Variants in VPS13B observed in about 807,000 individuals in gnomAD.
VPS13B encodes the protein intermembrane lipid transfer protein VPS13B.
Under a neutral mutation model 426.4 loss-of-function variants are expected in VPS13B, and 285 were observed. That is an observed-to-expected ratio of 0.67 (90% CI 0.61 to 0.74). VPS13B has a LOEUF of 0.74. Among genes scored for constraint, VPS13B ranks in the 30% least tolerant of loss-of-function variants. The pLI is 0.00. For missense variants in VPS13B, 4,537 were observed against 4,782.6 expected (o/e 0.95, Z 1.51); for synonymous variants, 1,676 against 1,676.4 (o/e 1.00, Z 0.01).
chr8:99,298,305 A>G (rs969648899), intron 19 of VPS13B, among the ~76,000 whole-genome samples: 2 of 152,086 alleles, frequency 1.3e-5, no homozygotes. Flanking sequence ...CCTGACCAAT[A>G]TGGAGAAACC....
At chr8:99,734,208 T>C (rs79600668) in intron 39 of VPS13B, among the ~76,000 whole-genome samples, 2,976 of 152,348 alleles carry the variant, frequency 0.02, 106 homozygotes, top group African/African-American at 0.068. Flanking sequence ...ACTTCATTCC[T>C]TTCTGTTGCC....
intron 17 of VPS13B, among the ~76,000 whole-genome samples, chr8:99,217,384 C>T (rs990796988): frequency 9.9e-5 from 15 of 152,218 alleles, no homozygotes; most frequent in East Asian, 9.7e-4. Context: ...GTCTTAATTC[C>T]GCTACCTGAT....
chr8:99,725,611 G>A lies in VPS13B; in HGVS notation c.7050+4564G>A, dbSNP rs147723069. ...GGACCACTGCTTTACAGTATCCATC[G>A]CAGTAGAGATGTTCAATAAATATGT... On this transcript the variant is annotated intron_variant, in intron 39 of 61. Coordinates refer to ENST00000357162, the MANE Select transcript of VPS13B (RefSeq NM_152564.5). 4.3e-4 allele frequency among the ~76,000 whole-genome samples: 65 copies of A among 152,266 alleles called. 1 individual carries two copies. Among genetic ancestry groups the A allele is most frequent in the Non-Finnish European group, 9.0e-4 (61 of 68,024 alleles).
intron 3 of VPS13B, among the ~76,000 whole-genome samples, chr8:99,083,009 G>A (rs1225508985): frequency 6.6e-6 from 1 of 152,190 alleles, no homozygotes; most frequent in Non-Finnish European, 1.5e-5. Flanking sequence ...AAAGTCATCA[G>A]TAGCTTGATG....
At chr8:99,397,451 A>C (rs1814796561) in intron 21 of VPS13B, among the ~76,000 whole-genome samples, 1 of 152,084 alleles carries the variant, frequency 6.6e-6, no homozygotes, top group Non-Finnish European at 1.5e-5. Context: ...CCTGAGTAGA[A>C]TATTTCTAAT....
chr8:99,656,936 G>A (rs78268748), intron 34 of VPS13B, among the ~76,000 whole-genome samples: 6,303 of 152,226 alleles, frequency 0.041, 137 homozygotes, highest in East Asian at 0.06. Flanking sequence ...GTATTTTTCT[G>A]GATGTTCCTA....
intron 35 of VPS13B, among the ~76,000 whole-genome samples, chr8:99,674,661 G>A (rs550032504): frequency 1.5e-4 from 23 of 151,674 alleles, no homozygotes; most frequent in Admixed American, 4.6e-4. Flanking sequence ...TCTTCCTCTC[G>A]CTGTCTTTCT....
rs1280949984 is a variant in VPS13B at position 99,407,256 on chromosome 8, A to G, written c.3082+15552A>G. 2.0e-5 allele frequency among the ~76,000 whole-genome samples: 3 copies of G among 152,098 alleles called. No homozygotes were observed. The East Asian group carries it at 5.8e-4, about 29-fold the overall frequency. On this transcript the variant is annotated intron_variant, in intron 21 of 61. Transcript: ENST00000357162. ...AGGTTATTTCTGAAACTAAAAATTG[A>G]CTTTTTTTCTTACCCTTTAAAAAAG...
At position 99,447,090 on chromosome 8, in the gene VPS13B, C is replaced by G. The variant is rs190580700; in HGVS notation, c.3445+4455C>G. ...ACTCTTGCCTACTATACCTAATATT[C>G]CTTGTTTATACTTTTCTTTTCTGTG... On this transcript the variant is annotated intron_variant, in intron 23 of 61. Coordinates refer to ENST00000357162, the MANE Select transcript of VPS13B (RefSeq NM_152564.5). 2.6e-5 allele frequency among the ~76,000 whole-genome samples: 4 copies of G among 152,178 alleles called. No homozygotes were observed. In the East Asian group the frequency reaches 7.7e-4, roughly 29 times the overall value.
Position 99,850,286 on chromosome 8 carries a change from CATACATAAGTACGCATGTATGTACTT to C in VPS13B, c.10061+1400_10061+1425del, listed in dbSNP as rs1201081388. ...ATAAGTACGCATGTATGTACTTATA[CATACATAAGTACGCATGTATGTACTT>C]ATACATACATAAGTACGCATGTATG... On this transcript the variant is annotated intron_variant, in intron 55 of 61. Coordinates refer to ENST00000357162, the MANE Select transcript of VPS13B (RefSeq NM_152564.5). Among the ~76,000 whole-genome samples the C allele has an allele frequency of 6.3e-3, 803 of 127,242 alleles. 249 individuals are homozygous for C. The highest frequency in any genetic ancestry group is 0.01 in the African/African-American group (283 of 27,564). The allele number at this position is 127,242 out of a possible 152,430, so 83.5% of individuals were successfully genotyped here.
rs764961174 is a variant in VPS13B, at chr8:99,871,670, G to A, written c.11718G>A (p.Lys3906=). 3 of 1,613,890 alleles carry A rather than the reference G, an allele frequency of 1.9e-6. No homozygotes were observed. The African/African-American group carries it at 4.0e-5, about 22-fold the overall frequency. Residue 3906 remains lysine (K), a synonymous_variant, in exon 61 of 62, where the codon AAG becomes AAA. Coordinates refer to ENST00000357162, the MANE Select transcript of VPS13B (RefSeq NM_152564.5). The part of the protein sequence containing the change: ...KQNNLLTVQL[K]QPRVACDVEV... The stretch of plus-strand genomic sequence containing the variant: ...ACAACTTACTCACAGTGCAGCTCAA[G>A]CAGCCAAGAGTGGCCTGTGATGTGG...
intron 51 of VPS13B, among the ~76,000 whole-genome samples, chr8:99,831,790 C>G (rs914257879): frequency 1.1e-4 from 17 of 152,170 alleles, no homozygotes; most frequent in African/African-American, 3.4e-4. Flanking sequence ...TAGGATGGCA[C>G]GGTTATATAC....
intron 35 of VPS13B, among the ~76,000 whole-genome samples, chr8:99,682,183 T>C (rs1260061478): frequency 6.6e-6 from 1 of 152,162 alleles, no homozygotes; most frequent in African/African-American, 2.4e-5. Flanking sequence ...TATTTAGTGC[T>C]GTCCAAGCAT....
chr8:99,050,430 A>G (rs1210806707), intron 3 of VPS13B, among the ~76,000 whole-genome samples: 1 of 152,274 alleles, frequency 6.6e-6, no homozygotes, highest in Non-Finnish European at 1.5e-5. Context: ...AATCCAGTCT[A>G]TCATTGTTGG....
At chr8:99,233,823 T>C in intron 17 of VPS13B, 2 of 778,638 alleles carry the variant, frequency 2.6e-6, no homozygotes, top group Non-Finnish European at 4.8e-6. Flanking sequence ...TTCAGAGGAA[T>C]CTCTTCGGCT....
chr8:99,723,319 T>G (rs1833205894), intron 39 of VPS13B, among the ~76,000 whole-genome samples: 1 of 152,194 alleles, frequency 6.6e-6, no homozygotes, highest in South Asian at 2.1e-4. Context: ...CTATTACAGA[T>G]TCAGCAGTCT....
intron 19 of VPS13B, among the ~76,000 whole-genome samples, chr8:99,304,103 A>T (rs887880488): frequency 5.3e-5 from 8 of 152,094 alleles, no homozygotes; most frequent in African/African-American, 1.9e-4. Context: ...ATCTTTGGTA[A>T]CTTTGTTTTC....
At chr8:99,495,921 T>A (rs1294016800) in intron 25 of VPS13B, among the ~76,000 whole-genome samples, 1 of 152,218 alleles carries the variant, frequency 6.6e-6, no homozygotes, top group Non-Finnish European at 1.5e-5. Context: ...TGGCTAGGAA[T>A]AGCCCTGTGG....
At position 99,030,135 on chromosome 8, in the gene VPS13B, C is replaced by CTTTTTTT. The variant is rs58542671; in HGVS notation, c.148-8274_148-8268dup. Among the ~76,000 whole-genome samples, 322 of 75,546 alleles carry CTTTTTTT rather than the reference C, an allele frequency of 4.3e-3. 1 individual carries two copies. The highest frequency in any genetic ancestry group is 0.017 in the Middle Eastern group (1 of 60). The allele number at this position is 75,546 out of a possible 152,430, so 49.6% of individuals were successfully genotyped here. ...TCTTCTGGATCTCCAAAAATACATG[C>CTTTTTTT]TTTTTTTTTTTTTTTTTTTTACTTA... On this transcript the variant is annotated intron_variant, in intron 2 of 61. Coordinates refer to ENST00000357162, the MANE Select transcript of VPS13B (RefSeq NM_152564.5).
Sources: allele counts gnomAD v4.1 joint callset (sites outside exome capture counted in the v4.1 genomes callset), GRCh38; gene constraint gnomAD v4.1.1; transcripts MANE v1.5; gene names NCBI Gene and HGNC (gene_info 2026-07-23, HGNC 2026-07-21).